FNDC3A: variants seen among roughly 807,000 people sequenced by gnomAD.
The protein encoded by FNDC3A is fibronectin type-III domain-containing protein 3A.
FNDC3A carries 32 observed loss-of-function variants against 148.9 expected under a neutral mutation model. The ratio of observed to expected loss-of-function variants is 0.21; its 90% CI spans 0.16 to 0.29. The LOEUF (loss-of-function observed/expected upper bound fraction) is 0.29. FNDC3A is among the 10% of genes least tolerant of loss of function. The pLI, the probability that FNDC3A is intolerant of heterozygous loss-of-function variation, is 1.00. For missense variants in FNDC3A, 1,191 were observed against 1,452.8 expected, an observed-to-expected ratio of 0.82 and a Z score of 2.93; for synonymous variants, 472 against 473.6, an observed-to-expected ratio of 1.00 and a Z score of 0.04.
At chr13:49,125,543 C>G (rs780855523) in intron 4 of FNDC3A, among the ~76,000 whole-genome samples, 7 of 152,020 alleles carry the variant, frequency 4.6e-5, no homozygotes, top group Non-Finnish European at 7.4e-5. Flanking sequence ...AGAGAGGAAG[C>G]AAAGGTTGTA....
intron 2 of FNDC3A, chr13:49,046,721 C>G (rs191375975): frequency 6.6e-6 from 1 of 152,368 alleles, no homozygotes; most frequent in Non-Finnish European, 1.5e-5. Context: ...TGATTCACAC[C>G]TAATGGTGTA....
chr13:49,126,804 G>T (rs1250346959), intron 4 of FNDC3A, among the ~76,000 whole-genome samples: 4 of 152,272 alleles, frequency 2.6e-5, no homozygotes, highest in African/African-American at 9.6e-5. Context: ...GTTCATATAT[G>T]TTCCTTGAGA....
At chr13:49,077,357 ACT>A (rs755393160) in intron 3 of FNDC3A, among the ~76,000 whole-genome samples, 2 of 152,218 alleles carry the variant, frequency 1.3e-5, no homozygotes, top group African/African-American at 2.4e-5. Flanking sequence ...CAGTGAAAGA[ACT>A]CTAACACTTA....
chr13:49,024,814 G>A (rs1028234635), intron 2 of FNDC3A, among the ~76,000 whole-genome samples: 1 of 151,860 alleles, frequency 6.6e-6, no homozygotes, highest in African/African-American at 2.4e-5. Context: ...TTTTTCTCTA[G>A]GAACTGAAAA....
intron 8 of FNDC3A, among the ~76,000 whole-genome samples, chr13:49,149,804 G>A (rs1298727110): frequency 6.6e-6 from 1 of 152,156 alleles, no homozygotes; most frequent in Non-Finnish European, 1.5e-5. Flanking sequence ...TGTCAGTGAA[G>A]CCATTGGTCC....
chr13:49,178,188 G>A (rs535268270), intron 13 of FNDC3A, among the ~76,000 whole-genome samples: 1 of 152,162 alleles, frequency 6.6e-6, no homozygotes, highest in African/African-American at 2.4e-5. Context: ...AGTTAAATAT[G>A]TTAACTACTT....
chr13:48,985,547 G>A (rs1951773823), intron 1 of FNDC3A, among the ~76,000 whole-genome samples: 3 of 152,042 alleles, frequency 2.0e-5, no homozygotes, highest in Admixed American at 2.0e-4. Flanking sequence ...TATAATATTA[G>A]ATACTTATGA....
chr13:49,144,895 A>G (rs1210181322), intron 7 of FNDC3A, among the ~76,000 whole-genome samples: 4 of 152,158 alleles, frequency 2.6e-5, no homozygotes, highest in Non-Finnish European at 5.9e-5. Flanking sequence ...TAGCACCTGT[A>G]TATTGAGGAA....
At chr13:49,049,701 CTCT>C (rs1452341061) in intron 2 of FNDC3A, among the ~76,000 whole-genome samples, 1 of 96,450 alleles carries the variant, frequency 1.0e-5, no homozygotes, top group South Asian at 2.9e-4. Context: ...CTTCTCTCTT[CTCT>C]TCTTTTCTTT....
intron 17 of FNDC3A, among the ~76,000 whole-genome samples, chr13:49,189,233 T>C (rs552242392): frequency 6.6e-6 from 1 of 151,246 alleles, no homozygotes; most frequent in Non-Finnish European, 1.5e-5. Flanking sequence ...CGATTGGGGC[T>C]CACTGCAACC....
At chr13:49,203,039 TTTC>T in intron 24 of FNDC3A, 115 bp from the exon 25 acceptor site, 2 of 725,432 alleles carry the variant, frequency 2.8e-6, no homozygotes, top group South Asian at 4.3e-5. Context: ...CTGATACTTA[TTTC>T]AAGTTTATAA....
intron 1 of FNDC3A, among the ~76,000 whole-genome samples, chr13:48,981,364 C>T (rs960096762): frequency 1.3e-5 from 2 of 151,990 alleles, no homozygotes; most frequent in African/African-American, 2.4e-5. Context: ...AATATCTATC[C>T]TGTTTTCCTC....
intron 2 of FNDC3A, among the ~76,000 whole-genome samples, chr13:49,018,176 G>A (rs1796805029): frequency 6.6e-6 from 1 of 151,900 alleles, no homozygotes; most frequent in Admixed American, 6.6e-5. Context: ...AAGTTCTCCT[G>A]GATAATATCC....
At chr13:49,089,879 CAAAT>C (rs1306599292) in intron 3 of FNDC3A, among the ~76,000 whole-genome samples, 8 of 152,256 alleles carry the variant, frequency 5.3e-5, no homozygotes, top group African/African-American at 1.9e-4. Flanking sequence ...AAAACTAAGA[CAAAT>C]AATATGAACT....
At chr13:49,048,995 T>C (rs1026938335) in intron 2 of FNDC3A, among the ~76,000 whole-genome samples, 2 of 152,252 alleles carry the variant, frequency 1.3e-5, no homozygotes, top group African/African-American at 4.8e-5. Context: ...GTCCCTTCTA[T>C]GCTGATTTTG....
At chr13:49,020,473 C>G (rs1873236599) in intron 2 of FNDC3A, among the ~76,000 whole-genome samples, 1 of 152,256 alleles carries the variant, frequency 6.6e-6, no homozygotes, top group Non-Finnish European at 1.5e-5. Context: ...TTCTTAATCT[C>G]TGTAGTTTAC....
At chr13:49,008,609 C>G (rs572938147) in intron 2 of FNDC3A, among the ~76,000 whole-genome samples, 45 of 152,290 alleles carry the variant, frequency 3.0e-4, no homozygotes, top group African/African-American at 1.0e-3. Flanking sequence ...TTAAGATTAT[C>G]TGTCTCCTCA....
At chr13:49,158,445 G>A (rs1049895511) in intron 8 of FNDC3A, among the ~76,000 whole-genome samples, 6 of 152,172 alleles carry the variant, frequency 3.9e-5, no homozygotes, top group African/African-American at 7.2e-5. Flanking sequence ...AGATGAACCC[G>A]GTACCTCAGA....
At chr13:49,184,788 T>A (rs1315478873) in intron 14 of FNDC3A, among the ~76,000 whole-genome samples, 1 of 151,950 alleles carries the variant, frequency 6.6e-6, no homozygotes, top group Non-Finnish European at 1.5e-5. Context: ...GACCTCCCCC[T>A]GTGCGGTCCC....
Sources: allele counts gnomAD v4.1 joint callset (sites outside exome capture counted in the v4.1 genomes callset), GRCh38; gene constraint gnomAD v4.1.1; transcripts MANE v1.5; gene names NCBI Gene and HGNC (gene_info 2026-07-23, HGNC 2026-07-21).